Variants in CNTN5 observed in about 807,000 individuals in gnomAD.
CNTN5 encodes the protein contactin 5.
Under a neutral mutation model 129.1 loss-of-function variants are expected in CNTN5, and 77 were observed. That is an observed-to-expected ratio of 0.60 (90% CI 0.50 to 0.72). CNTN5 has a LOEUF of 0.72. Ranked by LOEUF, CNTN5 falls within the 30% of genes least tolerant of loss-of-function variation. The pLI, the probability that CNTN5 is intolerant of heterozygous loss-of-function variation, is 0.00. For missense variants in CNTN5, 1,478 were observed against 1,328.8 expected (o/e 1.11, Z -1.75); for synonymous variants, 509 against 465.6 (o/e 1.09, Z -1.20).
At chr11:99,858,864 A>C (rs7930740) in intron 6 of CNTN5, among the ~76,000 whole-genome samples, 152,052 of 152,052 alleles carry the variant, frequency 1, 76,026 homozygotes, top group Non-Finnish European at 1. Flanking sequence ...ATAATAATTG[A>C]TAAGATTTAT....
At chr11:99,359,912 C>A (rs767715401) in intron 2 of CNTN5, among the ~76,000 whole-genome samples, 2 of 152,190 alleles carry the variant, frequency 1.3e-5, no homozygotes, top group East Asian at 1.9e-4. Flanking sequence ...GCAGAATGAA[C>A]AACTTGGATT....
intron 7 of CNTN5, among the ~76,000 whole-genome samples, chr11:99,946,539 A>G (rs1184527259): frequency 2.0e-5 from 3 of 152,254 alleles, no homozygotes; most frequent in East Asian, 3.9e-4. Context: ...GAACTGACCA[A>G]GGGAAAGCCA....
intron 8 of CNTN5, among the ~76,000 whole-genome samples, chr11:99,985,871 A>T (rs1269306959): frequency 1.3e-5 from 2 of 152,096 alleles, no homozygotes; most frequent in African/African-American, 4.8e-5. Flanking sequence ...CAATATTATG[A>T]CTTCTCAGTT....
intron 9 of CNTN5, among the ~76,000 whole-genome samples, chr11:100,013,384 T>G (rs1173110369): frequency 6.6e-6 from 1 of 152,142 alleles, no homozygotes; most frequent in Non-Finnish European, 1.5e-5. Context: ...TTTCTAACTT[T>G]ATTGTATCCC....
chr11:100,101,428 T>C (rs1052323212), intron 13 of CNTN5, among the ~76,000 whole-genome samples: 1 of 152,104 alleles, frequency 6.6e-6, no homozygotes, highest in African/African-American at 2.4e-5. Flanking sequence ...CTCTTGCCAC[T>C]CAGTCATGTA....
intron 24 of CNTN5, among the ~76,000 whole-genome samples, chr11:100,352,769 T>C (rs1381808840): frequency 6.6e-6 from 1 of 151,782 alleles, no homozygotes; most frequent in Non-Finnish European, 1.5e-5. Flanking sequence ...AGTTATAATG[T>C]CTCTGCATTA....
At chr11:99,477,893 A>G (rs561278557) in intron 2 of CNTN5, among the ~76,000 whole-genome samples, 1 of 152,274 alleles carries the variant, frequency 6.6e-6, no homozygotes, top group Non-Finnish European at 1.5e-5. Context: ...TGGAGGTACA[A>G]TATAATTAGT....
At chr11:99,030,617 G>C (rs1591070090) in intron 1 of CNTN5, among the ~76,000 whole-genome samples, 1 of 152,112 alleles carries the variant, frequency 6.6e-6, no homozygotes, top group South Asian at 2.1e-4. Context: ...AATGTCTTTT[G>C]AATCCTGTGT....
chr11:100,073,932 C>T (rs1944027479), intron 12 of CNTN5, among the ~76,000 whole-genome samples: 1 of 151,884 alleles, frequency 6.6e-6, no homozygotes, highest in African/African-American at 2.4e-5. Context: ...CCTGTAGATC[C>T]CATATTGTAT....
chr11:99,450,649 T>A (rs1003298725), intron 2 of CNTN5, among the ~76,000 whole-genome samples: 1 of 152,148 alleles, frequency 6.6e-6, no homozygotes, highest in Non-Finnish European at 1.5e-5. Flanking sequence ...CCAGACCTTA[T>A]TGCACTATAT....
At position 100,120,282 on chromosome 11, in the gene CNTN5, C is replaced by T. The variant is rs184502467; in HGVS notation, c.1580+45988C>T. Among the ~76,000 whole-genome samples, 303 of 151,942 alleles carry T rather than the reference C, an allele frequency of 2.0e-3. 1 individual carries two copies. Among genetic ancestry groups the T allele is most frequent in the African/African-American group, 2.6e-3 (106 of 41,506 alleles). ...TTATACATATTGACAAATTGCTCTC[C>T]GGGGAAGTTATCCAATTTACACCAC... On this transcript the variant is annotated intron_variant, in intron 13 of 24. Coordinates refer to ENST00000524871, the MANE Select transcript of CNTN5 (RefSeq NM_014361.4).
At chr11:99,382,844 ACTTTTTTT>A (rs1308568954) in intron 2 of CNTN5, among the ~76,000 whole-genome samples, 8 of 69,402 alleles carry the variant, frequency 1.2e-4, no homozygotes, top group African/African-American at 2.1e-4. Flanking sequence ...TCTCTAAATA[ACTTTTTTT>A]TTTTTTTTTT....
chr11:99,504,993 C>T (rs2135393526), intron 2 of CNTN5, among the ~76,000 whole-genome samples: 1 of 152,222 alleles, frequency 6.6e-6, no homozygotes, highest in Non-Finnish European at 1.5e-5. Context: ...TATTTTGCAG[C>T]CACTTAATAA....
intron 1 of CNTN5, among the ~76,000 whole-genome samples, chr11:99,220,324 A>G (rs988968692): frequency 6.6e-6 from 1 of 152,048 alleles, no homozygotes; most frequent in African/African-American, 2.4e-5. Context: ...TGTTAAAAAT[A>G]AAAACACTGA....
chr11:99,556,040 G>C (rs1948652370), intron 2 of CNTN5, 105 bp from the exon 3 acceptor site: 4 of 435,896 alleles, frequency 9.2e-6, no homozygotes, highest in Admixed American at 8.2e-5. Flanking sequence ...TGCACTAATG[G>C]TTATTTATCA....
At chr11:99,944,061 T>G (rs1950503320) in intron 7 of CNTN5, among the ~76,000 whole-genome samples, 1 of 148,962 alleles carries the variant, frequency 6.7e-6, no homozygotes, top group Non-Finnish European at 1.5e-5. Flanking sequence ...TTTTTTTTTT[T>G]CTAGCTCTTT....
At chr11:99,836,270 T>G (rs1947301891) in intron 4 of CNTN5, among the ~76,000 whole-genome samples, 1 of 151,236 alleles carries the variant, frequency 6.6e-6, no homozygotes. Context: ...ATTAGGTATA[T>G]CTCCTAATGC....
intron 2 of CNTN5, among the ~76,000 whole-genome samples, chr11:99,540,425 A>C (rs753283499): frequency 6.6e-6 from 1 of 152,194 alleles, no homozygotes; most frequent in African/African-American, 2.4e-5. Context: ...AAATGTAGAC[A>C]ACATATGGCA....
intron 1 of CNTN5, among the ~76,000 whole-genome samples, chr11:99,168,423 C>CA (rs201053862): frequency 6.6e-6 from 1 of 151,922 alleles, no homozygotes; most frequent in African/African-American, 2.4e-5. Context: ...ACTAAAAATA[C>CA]AAAAATATTA....
Sources: gnomAD v4.1 joint callset for allele counts (sites outside exome capture counted in the v4.1 genomes callset) on GRCh38, gnomAD v4.1.1 for gene constraint, MANE v1.5 for transcripts, NCBI Gene and HGNC (gene_info 2026-07-23, HGNC 2026-07-21) for gene names.